Variants in ZNF484 observed in about 807,000 individuals in gnomAD.
ZNF484 encodes the protein zinc finger protein 484, also known as KRAB box containing C2H2 type zinc finger bA526D8.4.
Under a neutral mutation model 12.9 loss-of-function variants are expected in ZNF484, and 11 were observed. The ratio of observed to expected loss-of-function variants is 0.85; its 90% CI spans 0.54 to 1.41. The LOEUF (loss-of-function observed/expected upper bound fraction) is 1.41. Among genes scored for constraint, ZNF484 ranks in the 40% most tolerant of loss-of-function variants. The pLI, the probability that ZNF484 is intolerant of heterozygous loss-of-function variation, is 0.00. For synonymous variants in ZNF484, 289 were observed against 334.1 expected (o/e 0.86, Z 1.47); for missense variants, 807 against 1,007.7 (o/e 0.80, Z 2.70).
Position 92,847,101 on chromosome 9 carries a change from A to C in ZNF484, c.1686T>G (p.Ile562Met), listed in dbSNP as rs1855673851. ...GGTGCATACTTAATGTTGACTTCTGAATGAATGCTTTCCCACATTCACTGC... is the reference window on the plus strand; with the variant it reads ...GGTGCATACTTAATGTTGACTTCTGCATGAATGCTTTCCCACATTCACTGC... ...YECSECGKAF[I>M]QKSTLSMHQR... The change falls in exon 5 of 5, where the codon ATT (isoleucine) becomes ATG (methionine). Residue 562 changes from isoleucine (I) to methionine (M), a missense_variant. Ile to Met is a conservative substitution (Grantham distance 10). Coordinates refer to ENST00000375495, the MANE Select transcript of ZNF484 (RefSeq NM_031486.4). 18 of 1,612,444 alleles carry C rather than the reference A, an allele frequency of 1.1e-5. No individual in the cohort carries two copies. The East Asian group carries it at 3.6e-4, about 32-fold the overall frequency.
intron 2 of ZNF484, among the ~76,000 whole-genome samples, chr9:92,870,166 G>T (rs944438091): frequency 1.3e-5 from 2 of 152,144 alleles, no homozygotes; most frequent in Non-Finnish European, 2.9e-5. Context: ...CTGGCTAGGG[G>T]CCTCAGGAAC....
intron 4 of ZNF484, among the ~76,000 whole-genome samples, chr9:92,854,285 G>A (rs1425065116): frequency 2.0e-5 from 3 of 152,146 alleles, no homozygotes; most frequent in Admixed American, 6.6e-5. Flanking sequence ...GTAGGGATGT[G>A]GGGAACTAAT....
intron 2 of ZNF484, among the ~76,000 whole-genome samples, chr9:92,858,153 T>C (rs2117976704): frequency 1.3e-5 from 2 of 152,214 alleles, no homozygotes; most frequent in East Asian, 3.9e-4. Flanking sequence ...ACACAGAGAA[T>C]TGGAGTTAGA....
Position 92,877,926 on chromosome 9 carries a change from T to C in ZNF484, c.-67A>G, listed in dbSNP as rs1031821956. The C allele has an allele frequency of 7.9e-6, 12 of 1,511,310 alleles. No individual in the cohort carries two copies. Among genetic ancestry groups the C allele is most frequent in the Admixed American group, 4.0e-5 (2 of 50,608 alleles). 93.6% of individuals were successfully genotyped at this position (1,511,310 alleles called of 1,614,324 possible). A position where few individuals can be genotyped will look rare whatever the true frequency, so the allele number is the denominator to read the frequency against. On this transcript the variant is annotated 5_prime_UTR_variant, in exon 1 of 5. An upstream start codon of the reference 5' UTR is lost. Coordinates refer to ENST00000375495, the MANE Select transcript of ZNF484 (RefSeq NM_031486.4). ...CCACGTCCTCTCAGGACAGTGGTCA[T>C]TTGCCTCGGGAGGTGACTATAGTCG...
intron 2 of ZNF484, chr9:92,862,233 T>C: frequency 2.0e-5 from 14 of 696,586 alleles, no homozygotes; most frequent in Non-Finnish European, 2.5e-5. Context: ...TAGGTAATTC[T>C]TAGGAATTAC....
chr9:92,845,433 A>G lies in ZNF484; in HGVS notation c.*795T>C, dbSNP rs914146053. The G allele has an allele frequency of 7.2e-5, 11 of 152,254 alleles. No individual in the cohort carries two copies. Among genetic ancestry groups the G allele is most frequent in the African/African-American group, 2.7e-4 (11 of 41,464 alleles). 9.4% of individuals were successfully genotyped at this position (152,254 alleles called of 1,614,324 possible). A position where few individuals can be genotyped will look rare whatever the true frequency, so the allele number is the denominator to read the frequency against. ...CTAAGGACACAAACTAAAATTCAAG[A>G]TGCTTGTGTCTCATGGTAATCTAGC... On this transcript the variant is annotated 3_prime_UTR_variant, in exon 5 of 5. Transcript: ENST00000375495. This position sits in a 1 kb window ranked among gnomAD's most constrained non-coding sequence, Gnocchi z 4.0.
chr9:92,848,910 A>AAAAT lies in ZNF484; in HGVS notation c.236-363_236-360dup, dbSNP rs145197582. Among the ~76,000 whole-genome samples, 11,045 of 141,316 alleles carry AAAAT rather than the reference A, an allele frequency of 0.078. 581 individuals carry two copies. Among genetic ancestry groups the AAAAT allele is most frequent in the African/African-American group, 0.14 (5,181 of 37,488 alleles). 92.7% of individuals were successfully genotyped at this position (141,316 alleles called of 152,430 possible). ...GGTGACAGAGCAAGACTCTGTCTCC[A>AAAAT]AAATAAATAAATAAATAAATAAATA... On this transcript the variant is annotated intron_variant, in intron 4 of 4. Coordinates refer to ENST00000375495, the MANE Select transcript of ZNF484 (RefSeq NM_031486.4). The surrounding 1 kb of genome is among the most constrained non-coding windows in gnomAD (Gnocchi z 4.1).
Position 92,872,304 on chromosome 9 carries a change from A to G in ZNF484, c.15+2711T>C, listed in dbSNP as rs1326590147. 5.4e-5 allele frequency among the ~76,000 whole-genome samples: 6 copies of G among 111,236 alleles called. 1 individual carries two copies. The East Asian group carries it at 1.2e-3, about 23-fold the overall frequency. 73.0% of individuals were successfully genotyped at this position (111,236 alleles called of 152,430 possible). A position where few individuals can be genotyped will look rare whatever the true frequency, so the allele number is the denominator to read the frequency against. Reference sequence around the variant, plus strand: ...GAGAGTCAGAGAAAGATGCGACTACAAAAGAGTGGTCAGAGAGATACAATG... The same window carrying G: ...GAGAGTCAGAGAAAGATGCGACTACGAAAGAGTGGTCAGAGAGATACAATG... On this transcript the variant is annotated intron_variant, in intron 2 of 4. Transcript: ENST00000375495.
Position 92,848,832 on chromosome 9 carries a change from C to T in ZNF484, c.236-281G>A, listed in dbSNP as rs1855873456. ...CTGAGGCAAGAGAATGGCTTGATGG[C>T]TTGAAGGCAGAGGTTGCAGTGAGCT... On this transcript the variant is annotated intron_variant, in intron 4 of 4. Coordinates refer to ENST00000375495, the MANE Select transcript of ZNF484 (RefSeq NM_031486.4). The surrounding 1 kb of genome is among the most constrained non-coding windows in gnomAD (Gnocchi z 4.1). Among the ~76,000 whole-genome samples, 1 of 151,886 alleles carries T rather than the reference C, an allele frequency of 6.6e-6. No homozygotes were observed. Among genetic ancestry groups the T allele is most frequent in the African/African-American group, 2.4e-5 (1 of 41,288 alleles).
chr9:92,862,280 T>A, intron 2 of ZNF484: 4 of 316,174 alleles, frequency 1.3e-5, no homozygotes, highest in Non-Finnish European at 1.8e-5. Context: ...TTGAGAACTT[T>A]ATGTTGTGAA....
chr9:92,853,069 G>T (rs1856207066), intron 4 of ZNF484, among the ~76,000 whole-genome samples: 2 of 152,142 alleles, frequency 1.3e-5, no homozygotes, highest in South Asian at 4.1e-4. Flanking sequence ...CTTCCATGTA[G>T]CTATGACAGG....
chr9:92,874,435 C>CT (rs1857666652), intron 2 of ZNF484, among the ~76,000 whole-genome samples: 1 of 151,956 alleles, frequency 6.6e-6, no homozygotes, highest in Non-Finnish European at 1.5e-5. Context: ...CCTCAGCCTC[C>CT]TGGGTAGCTG....
chr9:92,874,867 G>A, intron 2 of ZNF484, 148 bp downstream of exon 2: 1 of 738,514 alleles, frequency 1.4e-6, no homozygotes, highest in Admixed American at 3.0e-5. Context: ...CTTGACTTGG[G>A]GCTGACAGTC....
intron 1 of ZNF484, among the ~76,000 whole-genome samples, chr9:92,877,621 T>C (rs1317774166): frequency 3.3e-5 from 5 of 151,928 alleles, no homozygotes; most frequent in Non-Finnish European, 7.4e-5. Context: ...CCCATAGTCA[T>C]CCTCCCCCAC....
At chr9:92,861,126 A>C (rs952743686) in intron 2 of ZNF484, among the ~76,000 whole-genome samples, 19 of 152,348 alleles carry the variant, frequency 1.2e-4, no homozygotes, top group African/African-American at 4.3e-4. Flanking sequence ...AATTTGAAAT[A>C]CAGCCCATAA....
intron 2 of ZNF484, among the ~76,000 whole-genome samples, chr9:92,865,028 CAGAGAGAGAGAGAA>C (rs1856987320): frequency 6.6e-6 from 1 of 151,482 alleles, no homozygotes; most frequent in African/African-American, 2.4e-5. Context: ...CACACACACA[CAGAGAGAGAGAGAA>C]AGAGAGAGAG....
intron 2 of ZNF484, 33 bp from the exon 3 acceptor site, chr9:92,856,351 T>C (rs1370869777): frequency 4.0e-6 from 6 of 1,490,670 alleles, no homozygotes; most frequent in African/African-American, 1.5e-5. Flanking sequence ...TTTAAAATAA[T>C]TTTTTAAAGA....
chr9:92,877,501 A>G (rs1163679387), intron 1 of ZNF484, among the ~76,000 whole-genome samples: 2 of 152,188 alleles, frequency 1.3e-5, no homozygotes, highest in Non-Finnish European at 2.9e-5. Context: ...TTAGCAAAAT[A>G]TATCATTATA....
chr9:92,875,051 G>C lies in ZNF484; in HGVS notation c.-22C>G. ...TCATTTTTGGCTCTTCGGACAAAGG[G>C]GCAGAAATCTGAGAAAACAGATGGG... is the stretch of plus-strand genomic sequence containing the variant. On this transcript the variant is annotated 5_prime_UTR_variant, in exon 2 of 5. Coordinates refer to ENST00000375495, the MANE Select transcript of ZNF484 (RefSeq NM_031486.4). 6.2e-7 allele frequency: 1 copy of C among 1,613,902 alleles called. No homozygotes were observed. Among genetic ancestry groups the C allele is most frequent in the Non-Finnish European group, 8.5e-7 (1 of 1,179,930 alleles).
Sources: allele counts gnomAD v4.1 joint callset (sites outside exome capture counted in the v4.1 genomes callset), GRCh38; gene constraint gnomAD v4.1.1; non-coding constraint Gnocchi (gnomAD v3.1); transcripts MANE v1.5; gene names NCBI Gene and HGNC (gene_info 2026-07-23, HGNC 2026-07-21).